Variants in FLYWCH1 observed in about 807,000 individuals in gnomAD.
The protein encoded by FLYWCH1 is FLYWCH-type zinc finger-containing protein 1.
Under a neutral mutation model 66.4 loss-of-function variants are expected in FLYWCH1, and 75 were observed. The observed-to-expected ratio is 1.13, with a 90% confidence interval of 0.94 to 1.37. FLYWCH1 has a LOEUF of 1.37. FLYWCH1 is among the 40% of genes most tolerant of loss of function. FLYWCH1 has a pLI of 0.00. For missense variants in FLYWCH1, 1,334 were observed against 1,001.8 expected (o/e 1.33, Z -4.48); for synonymous variants, 595 against 429.9 (o/e 1.38, Z -4.75).
intron 8 of FLYWCH1, among the ~76,000 whole-genome samples, chr16:2,938,820 G>C (rs919187033): frequency 6.6e-6 from 1 of 151,470 alleles, no homozygotes. Flanking sequence ...CACCATGTTA[G>C]CCAGGATGGT....
At chr16:2,947,248 T>C (rs2071522730) in intron 9 of FLYWCH1, among the ~76,000 whole-genome samples, 1 of 152,212 alleles carries the variant, frequency 6.6e-6, no homozygotes, top group African/African-American at 2.4e-5. Context: ...TGTAATTCTG[T>C]TCTTACGAAA....
chr16:2,946,549 T>C (rs1406490417), intron 9 of FLYWCH1, among the ~76,000 whole-genome samples: 4 of 151,944 alleles, frequency 2.6e-5, no homozygotes, highest in African/African-American at 7.2e-5. Context: ...TCTCGTACTC[T>C]TGACCTCAGG....
intron 7 of FLYWCH1, 77 bp downstream of exon 7, chr16:2,937,461 C>CACGCTGGCT: frequency 1.4e-6 from 2 of 1,438,798 alleles, no homozygotes; most frequent in African/African-American, 2.9e-5. Flanking sequence ...GGAGGCTGCC[C>CACGCTGGCT]GTGGGGTGTT....
chr16:2,930,351 G>C (rs2070716604), intron 3 of FLYWCH1, 59 bp from the exon 4 acceptor site: 12 of 1,116,750 alleles, frequency 1.1e-5, no homozygotes, highest in Non-Finnish European at 1.5e-5. Context: ...CTGGCTCTCT[G>C]TGCCTGCGAC....
At chr16:2,932,734 G>A (rs1312529207) in intron 4 of FLYWCH1, among the ~76,000 whole-genome samples, 1 of 152,144 alleles carries the variant, frequency 6.6e-6, no homozygotes, top group Non-Finnish European at 1.5e-5. Flanking sequence ...AAAAATATGA[G>A]CAGGAGTGAC....
At position 2,913,840 on chromosome 16, in the gene FLYWCH1, G is replaced by A. The variant is rs11639577; in HGVS notation, c.-187-336G>A. ...GGTAGGTGGGAGGTGGGTAGACACT[G>A]GAGTCATCCAGGAGCTTTAAAAAAA... On this transcript the variant is annotated intron_variant, in intron 1 of 9. Transcript: ENST00000253928. 3.2e-3 allele frequency among the ~76,000 whole-genome samples: 484 copies of A among 150,008 alleles called. 5 individuals are homozygous for A. Among genetic ancestry groups the A allele is most frequent in the Middle Eastern group, 0.01 (3 of 288 alleles).
intron 9 of FLYWCH1, among the ~76,000 whole-genome samples, chr16:2,945,803 C>A (rs1367381619): frequency 6.6e-6 from 1 of 152,056 alleles, no homozygotes; most frequent in East Asian, 1.9e-4. Flanking sequence ...CAAGACCATC[C>A]TGGCTAACAT....
At chr16:2,914,993 TA>T (rs1224744981) in intron 2 of FLYWCH1, among the ~76,000 whole-genome samples, 1 of 150,176 alleles carries the variant, frequency 6.7e-6, no homozygotes, top group African/African-American at 2.4e-5. Flanking sequence ...GTATCTACTG[TA>T]AAACAATGGG....
Position 2,933,904 on chromosome 16 carries a change from C to A in FLYWCH1, c.1438C>A (p.Pro480Thr). 6.3e-7 allele frequency: 1 copy of A among 1,580,560 alleles called. No homozygotes were observed. The highest frequency in any genetic ancestry group is 8.6e-7 in the Non-Finnish European group (1 of 1,163,770). Residue 480 changes from proline to threonine, a missense_variant, in exon 6 of 10, where the codon CCG (proline) becomes ACG (threonine). By Grantham distance (38) the Pro-to-Thr change is conservative (BLOSUM62 -1). Coordinates refer to ENST00000253928, the MANE Select transcript of FLYWCH1 (RefSeq NM_001308068.2). Reference protein sequence around the residue: ...RVTVMRGHCHPPDLGGLEALR... With the variant: ...RVTVMRGHCHTPDLGGLEALR... ...GACTGTCATGCGTGGTCACTGCCAC[C>A]CGCCCGACCTGGGAGGCCTGGAGGC...
intron 5 of FLYWCH1, 23 bp downstream of exon 5, chr16:2,933,605 T>G (rs1312087864): frequency 8.3e-6 from 13 of 1,569,760 alleles, no homozygotes; most frequent in Admixed American, 1.8e-5. Context: ...CCTTTGGGGC[T>G]CACCGGCCCT....
At position 2,933,250 on chromosome 16, in the gene FLYWCH1, A is replaced by G; in HGVS notation, c.917A>G (p.Asp306Gly). Residue 306 changes from aspartate (D) to glycine (G), a missense_variant, in exon 5 of 10, where the codon GAC becomes GGC. By Grantham distance (94) the Asp-to-Gly change is moderately conservative (BLOSUM62 -1). Transcript: ENST00000253928. ...VGDKVYWTCRDHALHGCRSRA... is the reference protein window; with the variant it reads ...VGDKVYWTCRGHALHGCRSRA... Reference sequence around the variant, plus strand: ...GACAAGGTGTATTGGACCTGCCGGGACCACGCGCTGCACGGCTGCCGGAGC... The same window carrying G: ...GACAAGGTGTATTGGACCTGCCGGGGCCACGCGCTGCACGGCTGCCGGAGC... 6.2e-7 allele frequency: 1 copy of G among 1,613,416 alleles called. No homozygotes were observed. Among genetic ancestry groups the G allele is most frequent in the Middle Eastern group, 1.7e-4 (1 of 6,060 alleles).
At chr16:2,944,545 C>G (rs1429087141) in intron 9 of FLYWCH1, among the ~76,000 whole-genome samples, 2 of 151,948 alleles carry the variant, frequency 1.3e-5, no homozygotes, top group Non-Finnish European at 2.9e-5. Flanking sequence ...GTAGGCCAGC[C>G]ACAGCATTGG....
intron 2 of FLYWCH1, among the ~76,000 whole-genome samples, chr16:2,927,205 C>G (rs2070599307): frequency 6.6e-6 from 1 of 152,140 alleles, no homozygotes; most frequent in Non-Finnish European, 1.5e-5. Context: ...CAGCCGCCCA[C>G]TATGAGACTT....
At chr16:2,912,346 G>A (rs995331940) in intron 1 of FLYWCH1, among the ~76,000 whole-genome samples, 192 bp downstream of exon 1, 2 of 48,830 alleles carry the variant, frequency 4.1e-5, no homozygotes, top group Non-Finnish European at 4.9e-5. Context: ...CCACCCCCCC[G>A]TCCCCTGGCC....
At chr16:2,934,079 C>G in intron 6 of FLYWCH1, 100 bp downstream of exon 6, 1 of 1,353,566 alleles carries the variant, frequency 7.4e-7, no homozygotes, top group Non-Finnish European at 9.8e-7. Flanking sequence ...CAAACGTCCT[C>G]TTCCCTTCTT....
chr16:2,918,444 GC>G (rs897933438), intron 2 of FLYWCH1, among the ~76,000 whole-genome samples: 2 of 148,216 alleles, frequency 1.3e-5, no homozygotes, highest in African/African-American at 2.5e-5. Context: ...ACCGCGCCAG[GC>G]TTTTTTTTTT....
rs1304980290 is a variant in FLYWCH1, at chr16:2,929,900, G to A, written c.215G>A (p.Gly72Asp). Residue 72 changes from glycine to aspartate, a missense_variant, in exon 3 of 10, where the codon GGC (glycine) becomes GAC (aspartate). Gly to Asp is a moderately conservative substitution (Grantham distance 94). Coordinates refer to ENST00000253928, the MANE Select transcript of FLYWCH1 (RefSeq NM_001308068.2). ...VHCVLSLEMA[G>D]PATLASTLQI... ...TGCGTCCTGTCCCTGGAGATGGCTG[G>A]CCCCGCCACCCTCGCCAGCACCTTG... 8 of 1,613,698 alleles carry A rather than the reference G, an allele frequency of 5.0e-6. No homozygotes were observed. The highest frequency in any genetic ancestry group is 6.8e-6 in the Non-Finnish European group (8 of 1,179,874).
At chr16:2,927,710 T>G (rs1461968644) in intron 2 of FLYWCH1, among the ~76,000 whole-genome samples, 1 of 152,216 alleles carries the variant, frequency 6.6e-6, no homozygotes, top group Non-Finnish European at 1.5e-5. Flanking sequence ...CTCAGGGTCG[T>G]GGGTTCACGC....
At chr16:2,941,142 G>A (rs1042859592) in intron 9 of FLYWCH1, among the ~76,000 whole-genome samples, 8 of 152,194 alleles carry the variant, frequency 5.3e-5, no homozygotes, top group Admixed American at 3.3e-4. Flanking sequence ...AGAAATTAAA[G>A]AACACACTTA....
Sources: gnomAD v4.1 joint callset for allele counts (sites outside exome capture counted in the v4.1 genomes callset) on GRCh38, gnomAD v4.1.1 for gene constraint, MANE v1.5 for transcripts, NCBI Gene and HGNC (gene_info 2026-07-23, HGNC 2026-07-21) for gene names.